Variants in NPHP1 observed in about 807,000 individuals in gnomAD.
NPHP1 encodes the protein nephrocystin-1.
Under a neutral mutation model 90.4 loss-of-function variants are expected in NPHP1, and 70 were observed. That is an observed-to-expected ratio of 0.77 (90% CI 0.64 to 0.95). The LOEUF (loss-of-function observed/expected upper bound fraction) is 0.95, where lower values mean the gene tolerates loss of function less well. Among genes scored for constraint, NPHP1 ranks in the 40% least tolerant of loss-of-function variants. NPHP1 has a pLI of 0.00. For missense variants in NPHP1, 764 were observed against 795.9 expected, an observed-to-expected ratio of 0.96 and a Z score of 0.48; for synonymous variants, 256 against 271.7, an observed-to-expected ratio of 0.94 and a Z score of 0.57.
intron 2 of NPHP1, chr2:110,184,918 C>CA: frequency 1.5e-6 from 1 of 689,566 alleles, no homozygotes; most frequent in Admixed American, 1.8e-5. Flanking sequence ...TCCTGGTGTT[C>CA]GCCATCCAGA....
intron 11 of NPHP1, among the ~76,000 whole-genome samples, chr2:110,156,682 A>G (rs886273922): frequency 6.6e-6 from 1 of 152,066 alleles, no homozygotes; most frequent in Non-Finnish European, 1.5e-5. Flanking sequence ...GGGTGGTCCA[A>G]GAGGAGCTGA....
At chr2:110,160,324 T>C in intron 10 of NPHP1, 69 bp from the exon 11 acceptor site, 2 of 1,316,122 alleles carry the variant, frequency 1.5e-6, no homozygotes, top group Non-Finnish European at 2.2e-6. Context: ...CTTTTGTGAA[T>C]TCGGCTTATG....
At chr2:110,185,439 G>A (rs1175499751) in intron 2 of NPHP1, among the ~76,000 whole-genome samples, 1 of 152,184 alleles carries the variant, frequency 6.6e-6, no homozygotes, top group Non-Finnish European at 1.5e-5. Context: ...GGCAGAGGCT[G>A]CACTCCCTCC....
intron 2 of NPHP1, among the ~76,000 whole-genome samples, chr2:110,190,331 C>T (rs955158703): frequency 6.6e-6 from 1 of 152,144 alleles, no homozygotes; most frequent in East Asian, 1.9e-4. Flanking sequence ...CCACAGAGGG[C>T]GGGGAGGCTC....
At chr2:110,138,924 T>C (rs1207712650) in intron 16 of NPHP1, among the ~76,000 whole-genome samples, 2 of 152,094 alleles carry the variant, frequency 1.3e-5, no homozygotes, top group Non-Finnish European at 2.9e-5. Context: ...TTGCCCTTTA[T>C]TAGATATTCT....
At chr2:110,141,972 C>CAAA (rs397934223) in intron 16 of NPHP1, among the ~76,000 whole-genome samples, 14 of 94,246 alleles carry the variant, frequency 1.5e-4, no homozygotes, top group African/African-American at 4.8e-4. Flanking sequence ...GACTCTGTCT[C>CAAA]AAAAAAAAAA....
intron 13 of NPHP1, among the ~76,000 whole-genome samples, chr2:110,147,209 A>G (rs933947266): frequency 3.9e-5 from 6 of 151,976 alleles, no homozygotes; most frequent in Non-Finnish European, 5.9e-5. Flanking sequence ...TTAATCATTC[A>G]AGGGCTTTTC....
At chr2:110,168,085 A>T (rs1424155922) in intron 6 of NPHP1, among the ~76,000 whole-genome samples, 1 of 152,208 alleles carries the variant, frequency 6.6e-6, no homozygotes, top group Non-Finnish European at 1.5e-5. Context: ...CTACAAACAC[A>T]CATGTATAGT....
intron 16 of NPHP1, among the ~76,000 whole-genome samples, chr2:110,135,476 CAAAAAAAAAAA>C (rs66696927): frequency 4.0e-4 from 6 of 15,116 alleles, no homozygotes; most frequent in African/African-American, 7.3e-4. Context: ...GACCCCGTCT[CAAAAAAAAAAA>C]AAAAAAAAAA....
intron 16 of NPHP1, among the ~76,000 whole-genome samples, chr2:110,141,575 C>G (rs1433250566): frequency 6.6e-6 from 1 of 151,892 alleles, no homozygotes; most frequent in Non-Finnish European, 1.5e-5. Context: ...TTAGAATGGC[C>G]AAAACAGAAA....
chr2:110,173,673 A>G (rs1683320291), intron 4 of NPHP1, among the ~76,000 whole-genome samples: 1 of 152,182 alleles, frequency 6.6e-6, no homozygotes, highest in African/African-American at 2.4e-5. Flanking sequence ...TACTATAACT[A>G]TATAACCCAA....
chr2:110,124,478 T>C (rs759523068), intron 19 of NPHP1: 3 of 280,220 alleles, frequency 1.1e-5, no homozygotes, highest in Admixed American at 4.4e-5. Context: ...TCTAAGATAA[T>C]TGTAGCAGGT....
chr2:110,201,285 T>G, intron 2 of NPHP1, 136 bp downstream of exon 2: 1 of 702,650 alleles, frequency 1.4e-6, no homozygotes, highest in Middle Eastern at 3.8e-4. Context: ...TTTAGGTTGG[T>G]TTCTTCTACA....
At chr2:110,170,939 G>A (rs531215872) in intron 4 of NPHP1, among the ~76,000 whole-genome samples, 3 of 152,210 alleles carry the variant, frequency 2.0e-5, no homozygotes, top group Admixed American at 6.5e-5. Flanking sequence ...AAAGAGGTAC[G>A]CGGAATGTAG....
intron 2 of NPHP1, among the ~76,000 whole-genome samples, chr2:110,190,030 G>C (rs1387544648): frequency 6.6e-6 from 1 of 152,150 alleles, no homozygotes; most frequent in Non-Finnish European, 1.5e-5. Flanking sequence ...CACAAACACT[G>C]AGCTAGACAC....
chr2:110,166,201 A>C (rs1239855912), intron 6 of NPHP1, among the ~76,000 whole-genome samples: 1 of 152,226 alleles, frequency 6.6e-6, no homozygotes, highest in African/African-American at 2.4e-5. Context: ...AAAATAAATC[A>C]AAATATAAAG....
chr2:110,137,674 A>C (rs1680303594), intron 16 of NPHP1, among the ~76,000 whole-genome samples: 1 of 152,114 alleles, frequency 6.6e-6, no homozygotes, highest in Admixed American at 6.5e-5. Flanking sequence ...GTCAGGAAAC[A>C]ACAGGTGCTG....
intron 2 of NPHP1, among the ~76,000 whole-genome samples, chr2:110,182,082 G>A (rs1683947694): frequency 6.6e-6 from 1 of 151,940 alleles, no homozygotes; most frequent in South Asian, 2.1e-4. Flanking sequence ...GACAAGAATA[G>A]GGAAAAAAGA....
At chr2:110,190,898 G>C (rs1684674180) in intron 2 of NPHP1, among the ~76,000 whole-genome samples, 1 of 152,076 alleles carries the variant, frequency 6.6e-6, no homozygotes, top group Non-Finnish European at 1.5e-5. Flanking sequence ...TGAGCAAAAG[G>C]ACATGAAGTG....
Sources: allele counts gnomAD v4.1 joint callset (sites outside exome capture counted in the v4.1 genomes callset), GRCh38; gene constraint gnomAD v4.1.1; transcripts MANE v1.5; gene names NCBI Gene and HGNC (gene_info 2026-07-23, HGNC 2026-07-21).